CIROZ: variants seen among roughly 807,000 people sequenced by gnomAD.
CIROZ encodes the protein ciliated left-right organizer ZP-N domains-containing protein.
the CIROZ span, among the ~76,000 whole-genome samples, chr1:10,954,549 G>C: frequency 6.6e-6 from 1 of 152,176 alleles, no homozygotes. Flanking sequence ...CCCTGATGGG[G>C]CTACCTTGGT....
At chr1:10,948,378 T>G in the CIROZ span, 2 of 1,613,324 alleles carry the variant, frequency 1.2e-6, no homozygotes, top group Non-Finnish European at 1.7e-6. Flanking sequence ...CTGGAACTCC[T>G]CACTGGCTTG....
chr1:10,965,780 G>A, the CIROZ span, among the ~76,000 whole-genome samples: 7 of 150,160 alleles, frequency 4.7e-5, no homozygotes, highest in Admixed American at 2.0e-4. Flanking sequence ...CCGAGATTGC[G>A]TCACTGCACT....
At chr1:10,956,950 A>G in the CIROZ span, 1 of 1,336,206 alleles carries the variant, frequency 7.5e-7, no homozygotes, top group African/African-American at 1.5e-5. Flanking sequence ...TAAGGTGCCC[A>G]GAGGAGGGAG....
the CIROZ span, among the ~76,000 whole-genome samples, chr1:10,972,331 G>A: frequency 5.3e-5 from 8 of 151,904 alleles, no homozygotes; most frequent in Non-Finnish European, 8.8e-5. Flanking sequence ...CCTTTACCCA[G>A]TAAGTTGAGG....
chr1:10,960,065 TAAG>T, the CIROZ span, among the ~76,000 whole-genome samples: 5 of 151,588 alleles, frequency 3.3e-5, no homozygotes, highest in Non-Finnish European at 7.4e-5. The surrounding 1 kb of genome is among the most constrained non-coding windows in gnomAD (Gnocchi z 4.6). Flanking sequence ...GGCCAGGCTG[TAAG>T]AAGGAGGGAA....
chr1:10,976,995 T>G, the CIROZ span, among the ~76,000 whole-genome samples: 17 of 152,126 alleles, frequency 1.1e-4, 1 homozygote, highest in South Asian at 3.5e-3. Flanking sequence ...CTGTCTCTAT[T>G]AAAACTATAA....
At chr1:10,947,099 C>T in the CIROZ span, among the ~76,000 whole-genome samples, 224 of 152,344 alleles carry the variant, frequency 1.5e-3, 1 homozygote, top group African/African-American at 5.2e-3. Context: ...ACAGCCCCAT[C>T]GGGAGGAATG....
At chr1:10,974,158 C>T in the CIROZ span, among the ~76,000 whole-genome samples, 557 of 152,238 alleles carry the variant, frequency 3.7e-3, 7 homozygotes, top group African/African-American at 0.012. This position sits in a 1 kb window ranked among gnomAD's most constrained non-coding sequence, Gnocchi z 4.4. Flanking sequence ...AGGGCCAGGG[C>T]TGCGGGCCGG....
At chr1:10,978,037 C>T in the CIROZ span, among the ~76,000 whole-genome samples, 29 of 151,984 alleles carry the variant, frequency 1.9e-4, 1 homozygote, top group East Asian at 5.6e-3. Context: ...GGCGTGATGG[C>T]ACACGCATGT....
chr1:10,974,032 A>G, the CIROZ span, among the ~76,000 whole-genome samples: 7,609 of 151,774 alleles, frequency 0.05, 648 homozygotes, highest in African/African-American at 0.17. The surrounding 1 kb of genome is among the most constrained non-coding windows in gnomAD (Gnocchi z 4.4). Flanking sequence ...GGGCCTGCTC[A>G]GAGCTCTTAG....
the CIROZ span, among the ~76,000 whole-genome samples, chr1:10,970,689 T>C: frequency 4.6e-5 from 7 of 151,962 alleles, no homozygotes. Flanking sequence ...ACAGATTCAG[T>C]AGGTCTAAGG....
the CIROZ span, among the ~76,000 whole-genome samples, chr1:10,951,996 T>G: frequency 6.6e-6 from 1 of 152,048 alleles, no homozygotes; most frequent in Admixed American, 6.6e-5. Flanking sequence ...AGAAAAATAT[T>G]ATCTGTGTAA....
the CIROZ span, among the ~76,000 whole-genome samples, chr1:10,978,613 G>A: frequency 6.6e-6 from 1 of 152,018 alleles, no homozygotes; most frequent in Non-Finnish European, 1.5e-5. Flanking sequence ...AGGAGGCTGA[G>A]GTGGGAGGAT....
At chr1:10,951,745 A>AAAAAAAAAAAAAAATATAT in the CIROZ span, among the ~76,000 whole-genome samples, 1 of 119,206 alleles carries the variant, frequency 8.4e-6, no homozygotes. Flanking sequence ...AAAAAAAAAA[A>AAAAAAAAAAAAAAATATAT]ATATATATAT....
At chr1:10,956,779 T>C in the CIROZ span, among the ~76,000 whole-genome samples, 19 of 152,108 alleles carry the variant, frequency 1.2e-4, no homozygotes, top group Non-Finnish European at 2.5e-4. Context: ...GCCCGGCCGA[T>C]GATTTTACTT....
At chr1:10,952,723 G>A in the CIROZ span, among the ~76,000 whole-genome samples, 1 of 152,196 alleles carries the variant, frequency 6.6e-6, no homozygotes. Flanking sequence ...TGTTGGCCAG[G>A]CTGATCTCAA....
the CIROZ span, among the ~76,000 whole-genome samples, chr1:10,977,702 T>C: frequency 4.3e-4 from 66 of 152,068 alleles, no homozygotes; most frequent in Non-Finnish European, 8.4e-4. Context: ...TGCGTGTCCA[T>C]AGGCAGGAAT....
chr1:10,954,053 G>C, the CIROZ span: 7 of 1,613,614 alleles, frequency 4.3e-6, no homozygotes, highest in Admixed American at 1.7e-5. Flanking sequence ...CTGTCCAGAG[G>C]ACCGGGGCAG....
At chr1:10,951,066 C>T in the CIROZ span, among the ~76,000 whole-genome samples, 66 of 152,286 alleles carry the variant, frequency 4.3e-4, 1 homozygote, top group Admixed American at 1.6e-3. Context: ...GTGTTCTTAT[C>T]CTCCCCACTG....
Sources: gnomAD v4.1 joint callset for allele counts (sites outside exome capture counted in the v4.1 genomes callset) on GRCh38, gnomAD v4.1.1 for gene constraint, Gnocchi (gnomAD v3.1) non-coding constraint, MANE v1.5 for transcripts, NCBI Gene and HGNC (gene_info 2026-07-23, HGNC 2026-07-21) for gene names.